EYA4: variants seen among roughly 807,000 people sequenced by gnomAD.
EYA4 encodes the protein protein phosphatase EYA4.
A neutral mutation model predicts 87.9 loss-of-function variants in EYA4; 31 were observed. The observed-to-expected ratio is 0.35, with a 90% CI of 0.27 to 0.48. EYA4 has a LOEUF of 0.48. Among genes scored for constraint, EYA4 ranks in the 20% least tolerant of loss-of-function variants. The pLI is 0.99. For missense variants in EYA4, 678 were observed against 761.4 expected (o/e 0.89, Z 1.29); for synonymous variants, 263 against 270.6 (o/e 0.97, Z 0.28).
At chr6:133,375,968 A>G (rs1277995180) in intron 2 of EYA4, among the ~76,000 whole-genome samples, 2 of 151,940 alleles carry the variant, frequency 1.3e-5, no homozygotes, top group South Asian at 4.1e-4. Flanking sequence ...ATGCATTCAT[A>G]TAAGACTCTA....
At chr6:133,525,769 G>A (rs1181605954) in intron 19 of EYA4, 1 of 303,002 alleles carries the variant, frequency 3.3e-6, no homozygotes, top group Non-Finnish European at 4.9e-6. Flanking sequence ...CTGGAAGTAG[G>A]CATGCTCCAT....
chr6:133,346,304 T>C (rs886999390), intron 2 of EYA4, among the ~76,000 whole-genome samples: 11 of 152,192 alleles, frequency 7.2e-5, no homozygotes, highest in African/African-American at 1.4e-4. Flanking sequence ...CAGTTTTTTT[T>C]CCCCAAGGGA....
chr6:133,265,466 C>A (rs916564492), intron 1 of EYA4, among the ~76,000 whole-genome samples: 3 of 152,076 alleles, frequency 2.0e-5, no homozygotes, highest in Non-Finnish European at 2.9e-5. Flanking sequence ...GGTAATGCTT[C>A]TCTTACTTGA....
chr6:133,258,133 G>A (rs959244378), intron 1 of EYA4, among the ~76,000 whole-genome samples: 30 of 152,212 alleles, frequency 2.0e-4, no homozygotes, highest in African/African-American at 6.8e-4. Flanking sequence ...TAATTCAGGA[G>A]TGAATCTAGT....
rs150295226 is a variant in EYA4, at chr6:133,489,831, C to A, written c.1191+6716C>A. Among the ~76,000 whole-genome samples, 1,075 of 152,178 alleles carry A rather than the reference C, an allele frequency of 7.1e-3. 5 individuals carry two copies. Among genetic ancestry groups the A allele is most frequent in the South Asian group, 0.015 (74 of 4,820 alleles). On this transcript the variant is annotated intron_variant, in intron 13 of 19. Coordinates refer to ENST00000355286, the MANE Select transcript of EYA4 (RefSeq NM_004100.5). The stretch of plus-strand genomic sequence containing the variant: ...AACTCATCTGAAGGTAAAAAACTCA[C>A]AGGTAACAATAAGTACACAGGAAAA...
chr6:133,378,227 G>T (rs1342376908), intron 2 of EYA4, among the ~76,000 whole-genome samples: 3 of 152,088 alleles, frequency 2.0e-5, no homozygotes, highest in African/African-American at 7.2e-5. Context: ...TTGATGTGTG[G>T]CCTTAAGTTG....
chr6:133,410,434 G>A (rs901416127), intron 3 of EYA4, among the ~76,000 whole-genome samples: 1 of 151,310 alleles, frequency 6.6e-6, no homozygotes, highest in African/African-American at 2.4e-5. Context: ...TTTTGAGAAG[G>A]TATTATTTAA....
intron 1 of EYA4, among the ~76,000 whole-genome samples, chr6:133,259,676 A>G (rs200233102): frequency 2.6e-5 from 4 of 152,350 alleles, no homozygotes; most frequent in East Asian, 3.9e-4. Flanking sequence ...AGTATTCACT[A>G]TAGACACAAT....
intron 5 of EYA4, among the ~76,000 whole-genome samples, chr6:133,456,250 T>C (rs1244087126): frequency 6.6e-6 from 1 of 152,212 alleles, no homozygotes; most frequent in African/African-American, 2.4e-5. Context: ...ATTCCTTCTT[T>C]CCTATTGACT....
intron 13 of EYA4, among the ~76,000 whole-genome samples, chr6:133,504,530 C>T (rs1297949069): frequency 6.6e-6 from 1 of 152,168 alleles, no homozygotes; most frequent in African/African-American, 2.4e-5. Context: ...TCACTCACAT[C>T]GTCTTAGTTT....
chr6:133,312,479 A>G (rs1368964878), intron 2 of EYA4, among the ~76,000 whole-genome samples: 2 of 152,138 alleles, frequency 1.3e-5, no homozygotes, highest in African/African-American at 2.4e-5. Context: ...GCAGATTCCT[A>G]TCTCATTTGA....
intron 2 of EYA4, among the ~76,000 whole-genome samples, chr6:133,355,018 T>C (rs2128433363): frequency 6.6e-6 from 1 of 152,360 alleles, no homozygotes; most frequent in Admixed American, 6.5e-5. Flanking sequence ...ATCTACCTTT[T>C]GGGTACATAG....
rs1381339926 is a variant in EYA4 at position 133,531,639 on chromosome 6, C to T, written c.*2834C>T. 6.1e-6 allele frequency: 1 copy of T among 164,202 alleles called. No individual in the cohort carries two copies. Among genetic ancestry groups the T allele is most frequent in the African/African-American group, 2.4e-5 (1 of 41,850 alleles). The allele number at this position is 164,202 out of a possible 1,614,324, so 10.2% of individuals were successfully genotyped here. A position where few individuals can be genotyped will look rare whatever the true frequency, so the allele number is the denominator to read the frequency against. On this transcript the variant is annotated 3_prime_UTR_variant, in exon 20 of 20. Transcript: ENST00000355286. ...GGCCTGGCTATGGTATTATAGCATACAATTAGGACACTATGCCCCTGCAAA... is the reference window on the plus strand; with the variant it reads ...GGCCTGGCTATGGTATTATAGCATATAATTAGGACACTATGCCCCTGCAAA...
At chr6:133,284,997 T>G (rs1457608833) in intron 2 of EYA4, among the ~76,000 whole-genome samples, 1 of 150,924 alleles carries the variant, frequency 6.6e-6, no homozygotes, top group Non-Finnish European at 1.5e-5. Flanking sequence ...TGTTTTTTTT[T>G]TTGTTTGTTT....
At chr6:133,266,241 A>G (rs1776213328) in intron 1 of EYA4, among the ~76,000 whole-genome samples, 1 of 152,222 alleles carries the variant, frequency 6.6e-6, no homozygotes, top group South Asian at 2.1e-4. Flanking sequence ...TTGTACAGAG[A>G]CATACACACA....
intron 2 of EYA4, among the ~76,000 whole-genome samples, chr6:133,312,757 A>G (rs1436734339): frequency 1.3e-5 from 2 of 152,158 alleles, no homozygotes; most frequent in Non-Finnish European, 2.9e-5. Context: ...ACTCTTTAAT[A>G]GCTTCTTTGC....
At chr6:133,446,488 A>G in intron 3 of EYA4, 142 bp from the exon 4 acceptor site, 2 of 863,954 alleles carry the variant, frequency 2.3e-6, no homozygotes, top group Non-Finnish European at 3.8e-6. Flanking sequence ...ATGAACTGGC[A>G]TGTTCATCTG....
intron 2 of EYA4, among the ~76,000 whole-genome samples, chr6:133,340,037 T>C (rs1782667486): frequency 6.6e-6 from 1 of 151,966 alleles, no homozygotes; most frequent in African/African-American, 2.4e-5. Flanking sequence ...GGGGTAGAGG[T>C]TAGTACTAAT....
chr6:133,253,010 T>TC (rs1775046661), intron 1 of EYA4, among the ~76,000 whole-genome samples: 1 of 140,800 alleles, frequency 7.1e-6, no homozygotes, highest in African/African-American at 2.5e-5. Flanking sequence ...CTCTCTCACT[T>TC]CCTTTGATTT....
Sources: allele counts gnomAD v4.1 joint callset (sites outside exome capture counted in the v4.1 genomes callset), GRCh38; gene constraint gnomAD v4.1.1; transcripts MANE v1.5; gene names NCBI Gene and HGNC (gene_info 2026-07-23, HGNC 2026-07-21).